The following CYP24A1 variants were observed in gnomAD, a reference collection of about 807,000 sequenced individuals.
CYP24A1 encodes cytochrome P450 family 24 subfamily A member 1.
A neutral mutation model predicts 62.4 loss-of-function variants in CYP24A1; 68 were observed. The ratio of observed to expected loss-of-function variants is 1.09; its 90% confidence interval spans 0.90 to 1.33. The LOEUF is 1.33. CYP24A1 is among the 40% of genes most tolerant of loss of function. The pLI is 0.00. For missense variants in CYP24A1, 787 were observed against 653.0 expected, an observed-to-expected ratio of 1.21 and a Z score of -2.24; for synonymous variants, 267 against 253.0, an observed-to-expected ratio of 1.06 and a Z score of -0.52.
intron 8 of CYP24A1, among the ~76,000 whole-genome samples, chr20:54,158,504 A>G (rs1230993602): frequency 6.6e-6 from 1 of 152,184 alleles, no homozygotes; most frequent in Non-Finnish European, 1.5e-5. Context: ...ACTCTTCACA[A>G]AGTTGACAGT....
the CYP24A1 span, among the ~76,000 whole-genome samples, chr20:54,147,296 T>C: frequency 6.6e-6 from 1 of 152,206 alleles, no homozygotes; most frequent in African/African-American, 2.4e-5. Flanking sequence ...TAATCAGATA[T>C]TTGTGCATTT....
rs370079250 is a variant in CYP24A1 at position 54,164,402 on chromosome 20, C to T, written c.844+50G>A. ...CAGACCTCCTCTCTGAAGCTCCAGA[C>T]ACGGGGGTGCTGGGCTGGTTCTGGC... On this transcript the variant is annotated intron_variant, in intron 6 of 11. Transcript: ENST00000216862. 1.4e-4 allele frequency: 220 copies of T among 1,613,528 alleles called. No individual in the cohort carries two copies. In the African/African-American group the frequency reaches 2.7e-3, roughly 20 times the overall value.
intron 11 of CYP24A1, among the ~76,000 whole-genome samples, chr20:54,156,666 G>T (rs767258183): frequency 6.6e-6 from 1 of 152,232 alleles, no homozygotes; most frequent in Non-Finnish European, 1.5e-5. Context: ...ATAGATGTGT[G>T]TCGTGTAACT....
the CYP24A1 span, among the ~76,000 whole-genome samples, chr20:54,145,018 ATTG>A: frequency 1.3e-5 from 2 of 150,464 alleles, no homozygotes; most frequent in African/African-American, 2.4e-5. Flanking sequence ...ACAGTTGAGA[ATTG>A]TTGTGTCTTC....
intron 11 of CYP24A1, among the ~76,000 whole-genome samples, chr20:54,156,007 C>G (rs574044510): frequency 5.3e-5 from 8 of 152,180 alleles, no homozygotes; most frequent in Admixed American, 2.0e-4. Context: ...GAGAACTCCT[C>G]TATTGTCAGA....
intron 5 of CYP24A1, 78 bp downstream of exon 5, chr20:54,165,664 G>T (rs2092669027): frequency 1.5e-5 from 13 of 858,906 alleles, no homozygotes; most frequent in Non-Finnish European, 2.6e-5. Context: ...CATTTTTTGG[G>T]AATCACTGTG....
In CYP24A1 at chr20:54,168,870, C is replaced by T. The variant is rs1023144627; in HGVS notation, c.640+722G>A. Among the ~76,000 whole-genome samples the T allele has an allele frequency of 1.6e-4, 10 of 64,198 alleles. No individual in the cohort carries two copies. In the East Asian group the frequency reaches 1.7e-3, roughly 11 times the overall value. The allele number at this position is 64,198 out of a possible 152,430, so 42.1% of individuals were successfully genotyped here. On this transcript the variant is annotated intron_variant, in intron 4 of 11. Coordinates refer to ENST00000216862, the MANE Select transcript of CYP24A1 (RefSeq NM_000782.5). ...TTCTTCCTTCCTTCCTTCCTTCCTTCCTTCCTTCCTTCCTTCCTTCCTTTC... is the reference window on the plus strand; with the variant it reads ...TTCTTCCTTCCTTCCTTCCTTCCTTTCTTCCTTCCTTCCTTCCTTCCTTTC...
intron 3 of CYP24A1, among the ~76,000 whole-genome samples, chr20:54,170,289 T>A (rs1017965438): frequency 6.6e-6 from 1 of 152,132 alleles, no homozygotes; most frequent in African/African-American, 2.4e-5. Context: ...TTTAATGAGG[T>A]CCATATGGTA....
At chr20:54,143,724 T>TAA in the CYP24A1 span, among the ~76,000 whole-genome samples, 2 of 146,870 alleles carry the variant, frequency 1.4e-5, no homozygotes, top group Middle Eastern at 3.2e-3. Flanking sequence ...AAAATAGAAG[T>TAA]AAAAAAAAAT....
At chr20:54,149,020 C>T (rs775333938), downstream of CYP24A1, among the ~76,000 whole-genome samples, 5 of 152,134 alleles carry the variant, frequency 3.3e-5, no homozygotes, top group African/African-American at 7.2e-5. Context: ...CCCCATCCTC[C>T]GTAGTAGGAT....
At position 54,173,405 on chromosome 20, in the gene CYP24A1, G is replaced by A. The variant is rs776627911; in HGVS notation, c.175C>T (p.Pro59Ser). 20 of 1,580,926 alleles carry A rather than the reference G, an allele frequency of 1.3e-5. No homozygotes were observed. The highest frequency in any genetic ancestry group is 3.6e-5 in the Admixed American group (2 of 55,374). Residue 59 changes from proline (P) to serine (S), a missense_variant, in exon 1 of 12, where the codon CCG becomes TCG. Coordinates refer to ENST00000216862, the MANE Select transcript of CYP24A1 (RefSeq NM_000782.5). The surrounding 1 kb of genome is among the most constrained non-coding windows in gnomAD (Gnocchi z 7.2). Reference sequence around the variant, plus strand: ...AGCAGTGGCCAGCTGGTGGGGCCCGGCAGGGCGGCCGCGTTCTGAGTCTCG... The same window carrying A: ...AGCAGTGGCCAGCTGGTGGGGCCCGACAGGGCGGCCGCGTTCTGAGTCTCG... ...GGETQNAAAL[P>S]GPTSWPLLGS... is the part of the protein sequence containing the mutation.
At chr20:54,152,794 C>T (rs80222596), downstream of CYP24A1, among the ~76,000 whole-genome samples, 1 of 152,148 alleles carries the variant, frequency 6.6e-6, no homozygotes, top group African/African-American at 2.4e-5. Context: ...CAATGGGAAG[C>T]CCCAGAGGCA....
chr20:54,157,991 A>G, intron 9 of CYP24A1, 95 bp downstream of exon 9: 1 of 1,568,130 alleles, frequency 6.4e-7, no homozygotes, highest in Non-Finnish European at 8.6e-7. Context: ...CAAAATGAAT[A>G]TTTTCCAGTA....
intron 11 of CYP24A1, 84 bp from the exon 12 acceptor site, chr20:54,154,845 T>C (rs1415873922): frequency 6.6e-6 from 1 of 150,820 alleles, no homozygotes; most frequent in Admixed American, 6.7e-5. Flanking sequence ...TATAAGCTGT[T>C]GTATGGTGTG....
Position 54,173,745 on chromosome 20 carries a change from C to T in CYP24A1, c.-166G>A. On this transcript the variant is annotated 5_prime_UTR_variant, in exon 1 of 12. Transcript: ENST00000216862. The surrounding 1 kb of genome is among the most constrained non-coding windows in gnomAD (Gnocchi z 7.2). The stretch of plus-strand genomic sequence containing the variant: ...AGGCGGGACAGGCAGCAGAAAGGAC[C>T]TCGGCGAGGATGCTCGACGCTGCAC... The T allele has an allele frequency of 1.6e-6, 1 of 613,400 alleles. No individual in the cohort carries two copies. The highest frequency in any genetic ancestry group is 2.9e-6 in the Non-Finnish European group (1 of 345,244). 38.0% of individuals were successfully genotyped at this position (613,400 alleles called of 1,614,324 possible).
intron 9 of CYP24A1, 72 bp from the exon 10 acceptor site, chr20:54,157,657 G>A (rs1291522544): frequency 1.1e-6 from 1 of 908,260 alleles, no homozygotes. Context: ...ATTGACACAA[G>A]TTGTCACCTT....
chr20:54,144,130 A>C, the CYP24A1 span, among the ~76,000 whole-genome samples: 1 of 152,154 alleles, frequency 6.6e-6, no homozygotes, highest in African/African-American at 2.4e-5. Context: ...CATGCTTAGA[A>C]GTACCTTGCT....
chr20:54,155,700 G>A (rs2092625167), intron 11 of CYP24A1, among the ~76,000 whole-genome samples: 2 of 141,720 alleles, frequency 1.4e-5, no homozygotes, highest in East Asian at 4.1e-4. Context: ...TTGCACCATT[G>A]CACTCCAGCC....
At chr20:54,165,655 A>AT (rs2092669003) in intron 5 of CYP24A1, 87 bp downstream of exon 5, 2 of 838,692 alleles carry the variant, frequency 2.4e-6, no homozygotes, top group East Asian at 2.4e-5. Context: ...TGTGTATGCC[A>AT]TTTTTTGGGA....
Sources: gnomAD v4.1 joint callset for allele counts (sites outside exome capture counted in the v4.1 genomes callset) on GRCh38, gnomAD v4.1.1 for gene constraint, Gnocchi (gnomAD v3.1) non-coding constraint, MANE v1.5 for transcripts, NCBI Gene and HGNC (gene_info 2026-07-23, HGNC 2026-07-21) for gene names.